DOCK3: variants seen among roughly 807,000 people sequenced by gnomAD.
DOCK3 encodes the protein dedicator of cytokinesis 3, also known as dedicator of cytokinesis protein 3.
DOCK3 carries 60 observed loss-of-function variants against 265.6 expected under a neutral mutation model. The ratio of observed to expected loss-of-function variants is 0.23; its 90% CI spans 0.18 to 0.28. DOCK3 has a LOEUF of 0.28. DOCK3 is among the 10% of genes least tolerant of loss of function. The pLI is 1.00. For missense variants in DOCK3, 1,981 were observed against 2,594.3 expected (o/e 0.76, Z 5.14); for synonymous variants, 881 against 938.0 (o/e 0.94, Z 1.11).
At chr3:51,077,129 C>T (rs759496193) in intron 7 of DOCK3, among the ~76,000 whole-genome samples, 2 of 151,926 alleles carry the variant, frequency 1.3e-5, no homozygotes, top group Admixed American at 6.6e-5. Flanking sequence ...AATGGCTAGA[C>T]AGCAATGGAC....
intron 25 of DOCK3, 140 bp from the exon 26 acceptor site, chr3:51,277,468 C>A: frequency 1.8e-6 from 2 of 1,138,818 alleles, no homozygotes; most frequent in Non-Finnish European, 2.4e-6. Flanking sequence ...GGTGCCTTGA[C>A]ACTGCATGTT....
At chr3:51,033,688 T>G (rs2080141345) in intron 5 of DOCK3, among the ~76,000 whole-genome samples, 1 of 152,174 alleles carries the variant, frequency 6.6e-6, no homozygotes, top group Non-Finnish European at 1.5e-5. Context: ...TCGGTGGTGT[T>G]GGCTGTTGTT....
chr3:50,795,796 A>T (rs1176639895), intron 2 of DOCK3, among the ~76,000 whole-genome samples: 1 of 152,032 alleles, frequency 6.6e-6, no homozygotes, highest in Non-Finnish European at 1.5e-5. Flanking sequence ...GATACTTGTG[A>T]TTGCATTATC....
intron 9 of DOCK3, among the ~76,000 whole-genome samples, chr3:51,126,154 C>G (rs2084254946): frequency 6.6e-6 from 1 of 152,136 alleles, no homozygotes; most frequent in Non-Finnish European, 1.5e-5. Flanking sequence ...TGAAGTAATT[C>G]TAAACTAAAT....
intron 27 of DOCK3, among the ~76,000 whole-genome samples, chr3:51,306,440 G>C (rs544632330): frequency 1.3e-5 from 2 of 152,144 alleles, no homozygotes; most frequent in Non-Finnish European, 2.9e-5. Context: ...CTTCTTGGCT[G>C]TGTAAAGATT....
rs1378872177 is a variant in DOCK3, at chr3:51,260,204, T to G, written c.2233T>G (p.Ser745Ala). The change falls in exon 23 of 53, where the codon TCA becomes GCA. Residue 745 changes from serine (S) to alanine (A), a missense_variant. Ser to Ala is a moderately conservative substitution (Grantham distance 99). Transcript: ENST00000266037. ...KFIVQSRILY[S>A]RATCGMEEEQ... ...CATTGTACAGTCACGGATCCTGTACTCACGAGCCACTTGTGGAATGGAAGA... is the reference window on the plus strand; with the variant it reads ...CATTGTACAGTCACGGATCCTGTACGCACGAGCCACTTGTGGAATGGAAGA... 1 of 1,613,796 alleles carries G rather than the reference T, an allele frequency of 6.2e-7. No homozygotes were observed. Among genetic ancestry groups the G allele is most frequent in the Non-Finnish European group, 8.5e-7 (1 of 1,179,886 alleles).
intron 4 of DOCK3, among the ~76,000 whole-genome samples, chr3:50,912,029 C>T (rs755894632): frequency 6.6e-6 from 1 of 152,040 alleles, no homozygotes; most frequent in Non-Finnish European, 1.5e-5. Flanking sequence ...ATGTTATATA[C>T]TGCAACTTTA....
intron 4 of DOCK3, among the ~76,000 whole-genome samples, chr3:50,905,593 G>A (rs1291789485): frequency 6.6e-6 from 1 of 152,066 alleles, no homozygotes; most frequent in Non-Finnish European, 1.5e-5. Context: ...GAATGCTTGT[G>A]ATTTTTGCAC....
At chr3:51,032,466 C>A (rs1187964083) in intron 5 of DOCK3, among the ~76,000 whole-genome samples, 2 of 152,014 alleles carry the variant, frequency 1.3e-5, no homozygotes, top group Non-Finnish European at 2.9e-5. Context: ...TGAAGTTTAT[C>A]TTCTTTTGAT....
chr3:51,107,022 A>G (rs1273737751), intron 9 of DOCK3, among the ~76,000 whole-genome samples: 1 of 152,160 alleles, frequency 6.6e-6, no homozygotes, highest in Non-Finnish European at 1.5e-5. Context: ...TCCTAATCTC[A>G]AGCCAGATTT....
At chr3:50,966,921 T>C (rs2077050708) in intron 5 of DOCK3, among the ~76,000 whole-genome samples, 1 of 152,140 alleles carries the variant, frequency 6.6e-6, no homozygotes, top group Non-Finnish European at 1.5e-5. Context: ...TGTAGGGGAA[T>C]GAGGCAGAAT....
rs782488892 is a variant in DOCK3 at position 51,380,165 on chromosome 3, G to C, written c.5541G>C (p.Leu1847=). Residue 1847 remains leucine, a synonymous_variant, in exon 52 of 53, where the codon CTG becomes CTC. Coordinates refer to ENST00000266037, the MANE Select transcript of DOCK3 (RefSeq NM_004947.5). Reference sequence around the variant, plus strand: ...ACTTTGACGCCTTCCACCACCCTCTGGGTGATACCCCCCCAGCCCTCCCTG... The same window carrying C: ...ACTTTGACGCCTTCCACCACCCTCTCGGTGATACCCCCCCAGCCCTCCCTG... ...SLHFDAFHHP[L]GDTPPALPAR... 2 of 1,613,546 alleles carry C rather than the reference G, an allele frequency of 1.2e-6. No individual in the cohort carries two copies. The highest frequency in any genetic ancestry group is 1.7e-6 in the Non-Finnish European group (2 of 1,179,752).
chr3:50,766,715 T>C (rs1453200734), intron 1 of DOCK3, among the ~76,000 whole-genome samples: 1 of 152,202 alleles, frequency 6.6e-6, no homozygotes, highest in East Asian at 1.9e-4. Flanking sequence ...TCCACAATGG[T>C]TGAACCAGTT....
intron 3 of DOCK3, among the ~76,000 whole-genome samples, chr3:50,848,216 A>G (rs899361819): frequency 6.6e-6 from 1 of 152,128 alleles, no homozygotes; most frequent in Non-Finnish European, 1.5e-5. Flanking sequence ...TCTCCTGAAG[A>G]TGGCAGACAG....
Position 51,361,485 on chromosome 3 carries a change from G to T in DOCK3, c.5007-374G>T, listed in dbSNP as rs931728542. ...ATCCCATCATGGTGTGGGGGGGTTG[G>T]GGGGTGGGCACTGACCCAGACTAAT... On this transcript the variant is annotated intron_variant, in intron 47 of 52. Coordinates refer to ENST00000266037, the MANE Select transcript of DOCK3 (RefSeq NM_004947.5). The surrounding 1 kb of genome is among the most constrained non-coding windows in gnomAD (Gnocchi z 4.2). Among the ~76,000 whole-genome samples the T allele has an allele frequency of 6.6e-6, 1 of 152,102 alleles. No individual in the cohort carries two copies. The highest frequency in any genetic ancestry group is 1.5e-5 in the Non-Finnish European group (1 of 67,996).
At chr3:51,269,201 A>T (rs1259803514) in intron 23 of DOCK3, among the ~76,000 whole-genome samples, 3 of 148,264 alleles carry the variant, frequency 2.0e-5, no homozygotes, top group Non-Finnish European at 1.5e-5. Flanking sequence ...ATATATGCAT[A>T]TATATACATA....
intron 1 of DOCK3, among the ~76,000 whole-genome samples, chr3:50,678,937 G>A (rs1451250138): frequency 6.6e-6 from 1 of 151,222 alleles, no homozygotes; most frequent in Non-Finnish European, 1.5e-5. Flanking sequence ...AGCCTCCCGA[G>A]TAGCTGGGAC....
intron 1 of DOCK3, among the ~76,000 whole-genome samples, chr3:50,703,036 G>A (rs1280235017): frequency 1.3e-5 from 2 of 152,130 alleles, no homozygotes; most frequent in Admixed American, 1.3e-4. Context: ...GATTTGTTGA[G>A]AGTTTCTATC....
intron 1 of DOCK3, among the ~76,000 whole-genome samples, chr3:50,729,575 G>T (rs1233248748): frequency 6.6e-6 from 1 of 151,758 alleles, no homozygotes; most frequent in African/African-American, 2.4e-5. Context: ...TCATTCTGTT[G>T]TCTGGGCAGG....
Sources: allele counts gnomAD v4.1 joint callset (sites outside exome capture counted in the v4.1 genomes callset), GRCh38; gene constraint gnomAD v4.1.1; non-coding constraint Gnocchi (gnomAD v3.1); transcripts MANE v1.5; gene names NCBI Gene and HGNC (gene_info 2026-07-23, HGNC 2026-07-21).